FAM114A1: variants seen among roughly 807,000 people sequenced by gnomAD.
FAM114A1 encodes the protein family with sequence similarity 114 member A1.
In FAM114A1, 62 loss-of-function variants were observed where a neutral mutation model predicts 64.3. That is an observed-to-expected ratio of 0.96 (90% CI 0.79 to 1.19). The LOEUF is 1.19. Among genes scored for constraint, FAM114A1 ranks in the 50% most tolerant of loss-of-function variants. The pLI is 0.00. For missense variants in FAM114A1, 645 were observed against 676.3 expected (o/e 0.95, Z 0.51); for synonymous variants, 254 against 251.1 (o/e 1.01, Z -0.11).
At chr4:38,873,235 T>C (rs1326234903) in intron 2 of FAM114A1, among the ~76,000 whole-genome samples, 1 of 152,184 alleles carries the variant, frequency 6.6e-6, no homozygotes, top group Non-Finnish European at 1.5e-5. Flanking sequence ...TACAGGAATA[T>C]TATCACTGAA....
intron 7 of FAM114A1, among the ~76,000 whole-genome samples, chr4:38,912,606 A>T (rs774467407): frequency 4.6e-5 from 7 of 150,956 alleles, no homozygotes; most frequent in Non-Finnish European, 1.0e-4. Flanking sequence ...CTGGTCTTGA[A>T]CTCCTGACCT....
chr4:38,894,242 T>C (rs1716696815), intron 4 of FAM114A1, among the ~76,000 whole-genome samples: 1 of 151,700 alleles, frequency 6.6e-6, no homozygotes, highest in South Asian at 2.1e-4. Context: ...GACGTCATTG[T>C]CTTAATCTGC....
chr4:38,932,644 G>A (rs555634072), intron 12 of FAM114A1, among the ~76,000 whole-genome samples: 3 of 152,040 alleles, frequency 2.0e-5, no homozygotes, highest in South Asian at 2.1e-4. Flanking sequence ...CCACAGGTGC[G>A]TGCCACCACA....
intron 4 of FAM114A1, among the ~76,000 whole-genome samples, chr4:38,905,160 G>A (rs1040785634): frequency 4.6e-5 from 7 of 152,112 alleles, no homozygotes; most frequent in African/African-American, 1.7e-4. Context: ...ACTTTGGGAG[G>A]CAGAGGTGAG....
chr4:38,890,075 C>G (rs940763504), intron 3 of FAM114A1, among the ~76,000 whole-genome samples: 4 of 152,108 alleles, frequency 2.6e-5, no homozygotes, highest in Non-Finnish European at 5.9e-5. Flanking sequence ...TGGTTGAAAA[C>G]TGTTTCATAT....
intron 2 of FAM114A1, among the ~76,000 whole-genome samples, chr4:38,876,473 C>G (rs12503376): frequency 6.6e-6 from 1 of 151,806 alleles, no homozygotes; most frequent in Non-Finnish European, 1.5e-5. Flanking sequence ...ACCCTGCCTT[C>G]CTATGCTTAT....
At chr4:38,889,558 G>A (rs140881803) in intron 3 of FAM114A1, among the ~76,000 whole-genome samples, 119 of 152,208 alleles carry the variant, frequency 7.8e-4, no homozygotes, top group African/African-American at 2.8e-3. Context: ...TTCACGAACC[G>A]GTGAGGTTAT....
chr4:38,928,796 C>T (rs141932071), intron 9 of FAM114A1, among the ~76,000 whole-genome samples: 2 of 152,318 alleles, frequency 1.3e-5, no homozygotes, highest in African/African-American at 4.8e-5. Context: ...TAAAAGGGCA[C>T]CTGGGTACCA....
At chr4:38,915,294 G>T (rs1381727040) in intron 8 of FAM114A1, among the ~76,000 whole-genome samples, 1 of 151,996 alleles carries the variant, frequency 6.6e-6, no homozygotes, top group Non-Finnish European at 1.5e-5. Context: ...AAAAAGGCCT[G>T]CACAGTAAGA....
chr4:38,879,540 T>C (rs1019871915), intron 3 of FAM114A1, among the ~76,000 whole-genome samples: 2 of 152,212 alleles, frequency 1.3e-5, no homozygotes, highest in Admixed American at 6.5e-5. Context: ...AAGATTGGGC[T>C]ACCCTCCCAC....
Position 38,884,123 on chromosome 4 carries a change from G to A in FAM114A1, c.348+5697G>A, listed in dbSNP as rs142419666. On this transcript the variant is annotated intron_variant, in intron 3 of 14. Transcript: ENST00000358869. ...ACACAGCAAGAGCTAGTTGGGGTAC[G>A]GGGAATAATTGAGAAGATGGTGAGT... 4.2e-3 allele frequency among the ~76,000 whole-genome samples: 646 copies of A among 152,310 alleles called. 2 individuals are homozygous for A. Among genetic ancestry groups the A allele is most frequent in the African/African-American group, 0.014 (588 of 41,560 alleles).
At chr4:38,876,461 G>A (rs1399448460) in intron 2 of FAM114A1, among the ~76,000 whole-genome samples, 1 of 80,742 alleles carries the variant, frequency 1.2e-5, no homozygotes, top group Admixed American at 1.0e-4. Context: ...GTGAGCCATT[G>A]CACCCTGCCT....
At chr4:38,943,100 G>C (rs1319397701) in intron 14 of FAM114A1, among the ~76,000 whole-genome samples, 5 of 151,782 alleles carry the variant, frequency 3.3e-5, no homozygotes, top group Non-Finnish European at 7.4e-5. Flanking sequence ...GGCTGAAGCA[G>C]GGGAATTGCT....
intron 12 of FAM114A1, among the ~76,000 whole-genome samples, chr4:38,933,354 A>C (rs1364294112): frequency 6.6e-6 from 1 of 152,200 alleles, no homozygotes; most frequent in Admixed American, 6.5e-5. Context: ...ACATGAATAG[A>C]GAAAGGACAC....
chr4:38,944,928 C>T lies in FAM114A1; in HGVS notation c.*1371C>T, dbSNP rs1721858235. 2 of 152,160 alleles carry T rather than the reference C, an allele frequency of 1.3e-5. No homozygotes were observed. The highest frequency in any genetic ancestry group is 2.9e-5 in the Non-Finnish European group (2 of 68,032). 9.4% of individuals were successfully genotyped at this position (152,160 alleles called of 1,614,324 possible). On this transcript the variant is annotated 3_prime_UTR_variant, in exon 15 of 15. Coordinates refer to ENST00000358869, the MANE Select transcript of FAM114A1 (RefSeq NM_138389.4). Reference sequence around the variant, plus strand: ...TTAAAATACCAATAAATTTTTGAACCTTAAAAACTTTGAAGAACAAGGTAA... The same window carrying T: ...TTAAAATACCAATAAATTTTTGAACTTTAAAAACTTTGAAGAACAAGGTAA...
At chr4:38,903,099 T>A (rs1002956921) in intron 4 of FAM114A1, among the ~76,000 whole-genome samples, 4 of 152,132 alleles carry the variant, frequency 2.6e-5, no homozygotes, top group African/African-American at 9.7e-5. Context: ...TAACAAAAAA[T>A]TCAGAAAAAG....
intron 4 of FAM114A1, among the ~76,000 whole-genome samples, chr4:38,894,172 A>G: frequency 6.6e-6 from 1 of 150,888 alleles, no homozygotes; most frequent in East Asian, 1.9e-4. Context: ...CAAAAAAAAA[A>G]AAAAAAAAAA....
chr4:38,922,886 A>C lies in FAM114A1; in HGVS notation c.1062A>C (p.Glu354Asp). 1 of 1,608,040 alleles carries C rather than the reference A, an allele frequency of 6.2e-7. No individual in the cohort carries two copies. Among genetic ancestry groups the C allele is most frequent in the Non-Finnish European group, 8.5e-7 (1 of 1,178,490 alleles). ...AATTAGAGAATGAAGAAAATCAAGA[A>C]GAACAAGGTAAAGGAAAATAACTTA... ...AKELENEENQ[E>D]EQGLEEKGEE... The change falls in exon 9 of 15, where the codon GAA becomes GAC. Residue 354 changes from glutamate (E) to aspartate (D), a missense_variant. Coordinates refer to ENST00000358869, the MANE Select transcript of FAM114A1 (RefSeq NM_138389.4).
At chr4:38,872,046 C>T (rs781646510) in intron 2 of FAM114A1, among the ~76,000 whole-genome samples, 1 of 152,194 alleles carries the variant, frequency 6.6e-6, no homozygotes, top group African/African-American at 2.4e-5. Context: ...TATTTCTTGT[C>T]GATCCACATA....
Sources: gnomAD v4.1 joint callset for allele counts (sites outside exome capture counted in the v4.1 genomes callset) on GRCh38, gnomAD v4.1.1 for gene constraint, MANE v1.5 for transcripts, NCBI Gene and HGNC (gene_info 2026-07-23, HGNC 2026-07-21) for gene names.